The following COL4A5 variants were observed in gnomAD, a reference collection of about 807,000 sequenced individuals.
COL4A5 encodes collagen type IV alpha 5 chain.
In COL4A5, 26 loss-of-function variants were observed where a neutral mutation model predicts 130.2. The observed-to-expected ratio is 0.20, with a 90% CI of 0.15 to 0.28. The LOEUF (loss-of-function observed/expected upper bound fraction) is 0.28, where lower values mean the gene tolerates loss of function less well. Ranked by LOEUF, COL4A5 falls within the 10% of genes least tolerant of loss-of-function variation. The pLI is 1.00. For synonymous variants in COL4A5, 496 were observed against 439.6 expected (o/e 1.13, Z -1.60); for missense variants, 1,131 against 1,344.3 (o/e 0.84, Z 2.48).
intron 30 of COL4A5, among the ~76,000 whole-genome samples, chrX:108,617,846 A>G (rs1203375729): frequency 3.6e-5 from 4 of 112,091 alleles, no homozygotes; most frequent in African/African-American, 1.3e-4. Flanking sequence ...AAAAAAATTC[A>G]TCACCACTAA....
intron 36 of COL4A5, among the ~76,000 whole-genome samples, chrX:108,649,197 A>G (rs138302563): frequency 0.03 from 3,352 of 111,360 alleles, 119 homozygotes; most frequent in African/African-American, 0.1. Flanking sequence ...GACCTAACCA[A>G]GGAGACGAAA....
chrX:108,602,417 A>G (rs1226831506), intron 27 of COL4A5, among the ~76,000 whole-genome samples: 1 of 112,461 alleles, frequency 8.9e-6, no homozygotes, highest in African/African-American at 3.2e-5. Context: ...TGAAATTTTT[A>G]GGGCTTATGC....
chrX:108,452,876 G>A (rs1450592706), intron 1 of COL4A5, among the ~76,000 whole-genome samples: 1 of 110,991 alleles, frequency 9.0e-6, no homozygotes, highest in Non-Finnish European at 1.9e-5. Flanking sequence ...AATAGGAGTG[G>A]TGAGAGAGGG....
intron 1 of COL4A5, among the ~76,000 whole-genome samples, chrX:108,532,109 T>C (rs2065393051): frequency 1.8e-5 from 2 of 111,502 alleles, no homozygotes; most frequent in Admixed American, 1.9e-4. Context: ...CACCCTGATA[T>C]GAAAATCAGA....
intron 1 of COL4A5, among the ~76,000 whole-genome samples, chrX:108,448,915 G>A (rs1249840673): frequency 9.0e-6 from 1 of 111,374 alleles, no homozygotes; most frequent in South Asian, 3.8e-4. Context: ...CTCTCAAGAT[G>A]GCTGCTGCAG....
intron 1 of COL4A5, among the ~76,000 whole-genome samples, chrX:108,505,872 T>C (rs1361664873): frequency 3.5e-5 from 4 of 112,798 alleles, no homozygotes; most frequent in Non-Finnish European, 5.6e-5. Flanking sequence ...ACTGTTTATA[T>C]TGAAGAGACT....
intron 26 of COL4A5, among the ~76,000 whole-genome samples, 187 bp downstream of exon 26, chrX:108,601,672 A>G (rs1295783388): frequency 9.1e-6 from 1 of 109,600 alleles, no homozygotes; most frequent in African/African-American, 3.3e-5. Context: ...CTGGGATTAC[A>G]GGCGCCCACC....
chrX:108,519,117 C>G (rs1291289268), intron 1 of COL4A5, among the ~76,000 whole-genome samples: 1 of 111,043 alleles, frequency 9.0e-6, no homozygotes, highest in Non-Finnish European at 1.9e-5. Context: ...GGAGAAATAA[C>G]AAGATTTGTT....
chrX:108,560,259 G>T (rs186205055), intron 3 of COL4A5, among the ~76,000 whole-genome samples: 1 of 111,950 alleles, frequency 8.9e-6, no homozygotes, highest in East Asian at 2.8e-4. Context: ...AGAGAGCCAG[G>T]AGGCTTTTTT....
chrX:108,608,436 T>C (rs1234140502), intron 29 of COL4A5, among the ~76,000 whole-genome samples: 1 of 111,286 alleles, frequency 9.0e-6, no homozygotes, highest in African/African-American at 3.3e-5. Context: ...CAGAACTTTA[T>C]TGGGACTACT....
intron 1 of COL4A5, among the ~76,000 whole-genome samples, chrX:108,521,938 T>A (rs1295795443): frequency 9.0e-6 from 1 of 111,082 alleles, no homozygotes; most frequent in Non-Finnish European, 1.9e-5. Flanking sequence ...AAAAGAAACC[T>A]CATGTCTCTT....
intron 4 of COL4A5, among the ~76,000 whole-genome samples, chrX:108,565,954 A>G (rs1369668020): frequency 2.8e-5 from 3 of 108,539 alleles, no homozygotes; most frequent in Non-Finnish European, 5.7e-5. Context: ...ATTGAATAAC[A>G]TTATGCAGCA....
At chrX:108,486,296 G>T (rs1309329407) in intron 1 of COL4A5, among the ~76,000 whole-genome samples, 4 of 111,030 alleles carry the variant, frequency 3.6e-5, no homozygotes, top group Non-Finnish European at 7.6e-5. Flanking sequence ...TAATTTTTAG[G>T]TTTTTTTTAT....
At chrX:108,603,552 C>T (rs1391672169) in intron 28 of COL4A5, among the ~76,000 whole-genome samples, 1 of 112,262 alleles carries the variant, frequency 8.9e-6, no homozygotes, top group African/African-American at 3.2e-5. Flanking sequence ...TAGCAATCAT[C>T]TAAGCTTGCA....
At chrX:108,526,652 CTTTCTTTCT>C (rs1730802941) in intron 1 of COL4A5, among the ~76,000 whole-genome samples, 2 of 53,502 alleles carry the variant, frequency 3.7e-5, no homozygotes, top group Non-Finnish European at 5.9e-5. Flanking sequence ...TTCTTTCTTT[CTTTCTTTCT>C]TCTTTCTTTC....
In COL4A5 at chrX:108,665,529, A is replaced by G. The variant is rs2068059538; in HGVS notation, c.3396A>G (p.Pro1132=). The G allele has an allele frequency of 8.3e-7, 1 of 1,208,338 alleles. No individual in the cohort carries two copies. The highest frequency in any genetic ancestry group is 1.1e-6 in the Non-Finnish European group (1 of 892,772). Residue 1132 remains proline, a synonymous_variant, in exon 38 of 53, where the codon CCA becomes CCG. Transcript: ENST00000328300. Reference sequence around the variant, plus strand: ...TAGGAACCCCAGGCCCTCCTGGACCAAAAGGTATTAGTGGCCCTCCTGGGA... The same window carrying G: ...TAGGAACCCCAGGCCCTCCTGGACCGAAAGGTATTAGTGGCCCTCCTGGGA... ...GFPGTPGPPG[P]KGISGPPGNP...
At chrX:108,489,277 A>T (rs1330374460) in intron 1 of COL4A5, among the ~76,000 whole-genome samples, 2 of 111,748 alleles carry the variant, frequency 1.8e-5, no homozygotes, top group Non-Finnish European at 3.8e-5. Context: ...CACACAACAA[A>T]TTTTTGTCAG....
chrX:108,592,529 C>T (rs943339622), intron 21 of COL4A5, among the ~76,000 whole-genome samples: 1 of 110,852 alleles, frequency 9.0e-6, no homozygotes, highest in African/African-American at 3.3e-5. Flanking sequence ...AGATACTCTC[C>T]TCTTGTTTTC....
chrX:108,671,141 T>A (rs1225734869), intron 42 of COL4A5, among the ~76,000 whole-genome samples: 1 of 111,673 alleles, frequency 9.0e-6, no homozygotes, highest in East Asian at 2.8e-4. Flanking sequence ...TACCAAGAGC[T>A]ACCTAATGGA....
Sources: allele counts gnomAD v4.1 joint callset (sites outside exome capture counted in the v4.1 genomes callset), GRCh38; gene constraint gnomAD v4.1.1; transcripts MANE v1.5; gene names NCBI Gene and HGNC (gene_info 2026-07-23, HGNC 2026-07-21).